EPG5: variants seen among roughly 807,000 people sequenced by gnomAD.
EPG5 encodes the protein ectopic P granules protein 5 homolog.
In EPG5, 159 loss-of-function variants were observed where a neutral mutation model predicts 302.7. The observed-to-expected ratio is 0.53, with a 90% CI of 0.46 to 0.60. EPG5 has a LOEUF of 0.60. Among genes scored for constraint, EPG5 ranks in the 20% least tolerant of loss-of-function variants. The pLI is 0.00. For missense variants in EPG5, 2,896 were observed against 3,092.4 expected (o/e 0.94, Z 1.51); for synonymous variants, 1,158 against 1,136.8 (o/e 1.02, Z -0.37).
At position 45,849,210 on chromosome 18, in the gene EPG5, G is replaced by A. The variant is rs1471326546; in HGVS notation, c.*3257C>T. On this transcript the variant is annotated 3_prime_UTR_variant, in exon 44 of 44. Transcript: ENST00000282041. ...AATATCTAAAGGTCTGCCTCAAGGAGGGGCAAGTGAACAGCCCCAGCCTGA... is the reference window on the plus strand; with the variant it reads ...AATATCTAAAGGTCTGCCTCAAGGAAGGGCAAGTGAACAGCCCCAGCCTGA... 1 of 152,230 alleles carries A rather than the reference G, an allele frequency of 6.6e-6. No homozygotes were observed. The highest frequency in any genetic ancestry group is 1.5e-5 in the Non-Finnish European group (1 of 68,088). 9.4% of individuals were successfully genotyped at this position (152,230 alleles called of 1,614,324 possible).
Position 45,951,215 on chromosome 18 carries a change from G to A in EPG5, c.1276C>T (p.Pro426Ser), listed in dbSNP as rs778736190. Reference protein sequence around the residue: ...GRASKQTESIPSDLCQLKECI... With the variant: ...GRASKQTESISSDLCQLKECI... ...TCCTTTAGTTGACACAGATCAGAGGGAATGCTTTCTGTCTGCTTAGACGCT... is the reference window on the plus strand; with the variant it reads ...TCCTTTAGTTGACACAGATCAGAGGAAATGCTTTCTGTCTGCTTAGACGCT... The change falls in exon 4 of 44, where the codon CCC becomes TCC. Residue 426 changes from proline (P) to serine (S), a missense_variant. Transcript: ENST00000282041. 1.3e-6 allele frequency: 2 copies of A among 1,568,342 alleles called. No homozygotes were observed. The highest frequency in any genetic ancestry group is 3.8e-5 in the Admixed American group (2 of 53,016).
chr18:45,859,061 C>T (rs183491043), intron 40 of EPG5, among the ~76,000 whole-genome samples: 6 of 152,298 alleles, frequency 3.9e-5, no homozygotes, highest in South Asian at 2.1e-4. Flanking sequence ...GGGCTGCATA[C>T]GTATAAATCA....
At chr18:45,846,314 A>T (rs574262204), downstream of EPG5, among the ~76,000 whole-genome samples, 1 of 152,074 alleles carries the variant, frequency 6.6e-6, no homozygotes, top group Non-Finnish European at 1.5e-5. Context: ...TGAAGTCAGG[A>T]GTTCAAGACC....
At chr18:45,822,654 C>T in the EPG5 span, among the ~76,000 whole-genome samples, 1 of 151,974 alleles carries the variant, frequency 6.6e-6, no homozygotes, top group African/African-American at 2.4e-5. Flanking sequence ...ACTATGTACC[C>T]CATAAATATG....
chr18:45,822,481 A>C, the EPG5 span, among the ~76,000 whole-genome samples: 2 of 152,174 alleles, frequency 1.3e-5, no homozygotes, highest in African/African-American at 4.8e-5. Flanking sequence ...GTTCTATAGC[A>C]CTGTAGGATG....
chr18:45,880,297 G>A (rs2049069769), intron 31 of EPG5, 74 bp from the exon 32 acceptor site: 1 of 1,360,692 alleles, frequency 7.3e-7, no homozygotes, highest in Non-Finnish European at 9.8e-7. Context: ...CAAAGAATAT[G>A]AGCACCTTAT....
At chr18:45,867,363 T>A (rs1257365757) in intron 37 of EPG5, among the ~76,000 whole-genome samples, 200 bp downstream of exon 37, 1 of 152,214 alleles carries the variant, frequency 6.6e-6, no homozygotes, top group East Asian at 1.9e-4. Context: ...TCTAACTCAG[T>A]GTGGTTCTTT....
chr18:45,933,858 T>A (rs1400038611), intron 11 of EPG5, among the ~76,000 whole-genome samples: 1 of 152,130 alleles, frequency 6.6e-6, no homozygotes, highest in East Asian at 1.9e-4. Context: ...AACAGAATTA[T>A]CTTTGGTGTT....
chr18:45,929,203 A>G (rs2145808815), intron 12 of EPG5, among the ~76,000 whole-genome samples, 194 bp from the exon 13 acceptor site: 1 of 152,366 alleles, frequency 6.6e-6, no homozygotes, highest in South Asian at 2.1e-4. Context: ...GGAGAGGAAT[A>G]TAAGAGAATG....
Position 45,959,173 on chromosome 18 carries a change from C to T in EPG5, c.64-3835G>A, listed in dbSNP as rs12605283. Among the ~76,000 whole-genome samples the T allele has an allele frequency of 5.9e-5, 9 of 152,298 alleles. No individual in the cohort carries two copies. In the East Asian group the frequency reaches 1.2e-3, roughly 20 times the overall value. On this transcript the variant is annotated intron_variant, in intron 1 of 43. Transcript: ENST00000282041. ...TGTCTAGGCAGCGGGCAAGGTGAAC[C>T]CCTTGGGCAGTTACAAAATTAGCCA... is the stretch of plus-strand genomic sequence containing the variant.
At chr18:45,930,593 A>G in intron 12 of EPG5, 83 bp downstream of exon 12, 2 of 1,204,072 alleles carry the variant, frequency 1.7e-6, no homozygotes. Flanking sequence ...CACAATTTGT[A>G]AAAGCAATCC....
In EPG5 at chr18:45,954,831, C is replaced by A. The variant is rs2050989073; in HGVS notation, c.571G>T (p.Val191Leu). The change falls in exon 2 of 44, where the codon GTG (valine) becomes TTG (leucine). Residue 191 changes from valine (V) to leucine (L), a missense_variant. Coordinates refer to ENST00000282041, the MANE Select transcript of EPG5 (RefSeq NM_020964.3). ...CTCTGCAAGCCAACATTCTGTGGCA[C>A]CTCTGAAGAACAAACCAGGCCTTGT... ...DKQGLVCSSE[V>L]PQNVGLQSSC... The A allele has an allele frequency of 6.2e-7, 1 of 1,614,056 alleles. No individual in the cohort carries two copies. The highest frequency in any genetic ancestry group is 1.3e-5 in the African/African-American group (1 of 74,908).
intron 1 of EPG5, among the ~76,000 whole-genome samples, chr18:45,959,879 T>C (rs1260512897): frequency 6.6e-6 from 1 of 152,046 alleles, no homozygotes; most frequent in African/African-American, 2.4e-5. Context: ...CTTGGGAAGC[T>C]GAAGCAAGAG....
At chr18:45,957,595 G>A (rs564349103) in intron 1 of EPG5, among the ~76,000 whole-genome samples, 5 of 152,244 alleles carry the variant, frequency 3.3e-5, no homozygotes, top group Non-Finnish European at 5.9e-5. Flanking sequence ...ACTCTTCATC[G>A]CTTACGGTTA....
At chr18:45,922,017 T>G (rs934406789) in intron 16 of EPG5, among the ~76,000 whole-genome samples, 3 of 151,894 alleles carry the variant, frequency 2.0e-5, no homozygotes, top group Non-Finnish European at 4.4e-5. Context: ...TTCAAAAATT[T>G]TACTACAGGT....
At chr18:45,888,116 G>C (rs2145477090) in intron 28 of EPG5, among the ~76,000 whole-genome samples, 1 of 150,606 alleles carries the variant, frequency 6.6e-6, no homozygotes, top group South Asian at 2.1e-4. Flanking sequence ...TTTCTTTTTG[G>C]GGTGGGGGAG....
chr18:45,936,737 A>G (rs2050534443), intron 10 of EPG5, among the ~76,000 whole-genome samples: 1 of 151,262 alleles, frequency 6.6e-6, no homozygotes, highest in Admixed American at 6.6e-5. Flanking sequence ...AAAAAAAAAA[A>G]AAGGAAATCT....
At chr18:45,930,993 G>A (rs1326640177) in intron 11 of EPG5, among the ~76,000 whole-genome samples, 163 bp from the exon 12 acceptor site, 1 of 152,232 alleles carries the variant, frequency 6.6e-6, no homozygotes, top group Non-Finnish European at 1.5e-5. Flanking sequence ...TGGACCAGAT[G>A]GCCTCTGAAA....
At chr18:45,920,513 G>A (rs531839696) in intron 16 of EPG5, among the ~76,000 whole-genome samples, 9 of 152,222 alleles carry the variant, frequency 5.9e-5, no homozygotes, top group Non-Finnish European at 1.0e-4. Context: ...AATTCTGCCG[G>A]CTGGAAGACT....
Sources: allele counts gnomAD v4.1 joint callset (sites outside exome capture counted in the v4.1 genomes callset), GRCh38; gene constraint gnomAD v4.1.1; transcripts MANE v1.5; gene names NCBI Gene and HGNC (gene_info 2026-07-23, HGNC 2026-07-21).